The following RAB27A variants were observed in gnomAD, a reference collection of about 807,000 sequenced individuals.
RAB27A encodes ras-related protein Rab-27A.
In RAB27A, 17 loss-of-function variants were observed where a neutral mutation model predicts 20.8. The observed-to-expected ratio is 0.82, with a 90% CI of 0.56 to 1.23. The LOEUF is 1.23. RAB27A is among the 50% of genes most tolerant of loss of function. The pLI is 0.00. For missense variants in RAB27A, 277 were observed against 266.7 expected (o/e 1.04, Z -0.27); for synonymous variants, 85 against 92.8 (o/e 0.92, Z 0.48).
At chr15:55,298,280 A>G (rs990978775) in intron 2 of RAB27A, among the ~76,000 whole-genome samples, 3 of 151,768 alleles carry the variant, frequency 2.0e-5, no homozygotes, top group African/African-American at 7.3e-5. Flanking sequence ...GTTCTTTTCT[A>G]CTTTCCCTAA....
chr15:55,238,271 C>G (rs1896343446), intron 2 of RAB27A: 1 of 152,136 alleles, frequency 6.6e-6, no homozygotes, highest in African/African-American at 2.4e-5. Flanking sequence ...ATCTAGATCT[C>G]CTAGCTCCAA....
chr15:55,274,018 A>G (rs1333911937), intron 1 of RAB27A, among the ~76,000 whole-genome samples: 1 of 152,212 alleles, frequency 6.6e-6, no homozygotes, highest in Admixed American at 6.5e-5. Flanking sequence ...GTCTCAACAA[A>G]TTTAAGACGA....
intron 2 of RAB27A, among the ~76,000 whole-genome samples, chr15:55,310,994 C>T (rs1015364669): frequency 6.6e-6 from 1 of 152,138 alleles, no homozygotes; most frequent in African/African-American, 2.4e-5. Context: ...TTCTAATACG[C>T]AGGTTAGCAA....
intron 6 of RAB27A, among the ~76,000 whole-genome samples, chr15:55,215,188 CT>C (rs1895222112): frequency 6.6e-6 from 1 of 152,180 alleles, no homozygotes; most frequent in Non-Finnish European, 1.5e-5. Context: ...TTACAAATAT[CT>C]TTCCAACTCC....
chr15:55,281,892 T>C (rs1177236295), intron 1 of RAB27A, among the ~76,000 whole-genome samples: 2 of 152,198 alleles, frequency 1.3e-5, no homozygotes, highest in African/African-American at 4.8e-5. Context: ...TTGAATTCCT[T>C]TAATTTTTTA....
At chr15:55,247,937 C>CT (rs765207631) in intron 2 of RAB27A, among the ~76,000 whole-genome samples, 1,558 of 135,432 alleles carry the variant, frequency 0.012, 30 homozygotes, top group African/African-American at 0.037. Flanking sequence ...TCACTAACCA[C>CT]TTTTTTTTTT....
intron 2 of RAB27A, among the ~76,000 whole-genome samples, chr15:55,302,711 C>T (rs1390597380): frequency 5.2e-5 from 6 of 115,832 alleles, no homozygotes; most frequent in South Asian, 2.9e-4. Context: ...ATGTGGGGAG[C>T]GCCTCTGCCC....
chr15:55,247,786 C>T (rs903665584), intron 2 of RAB27A, among the ~76,000 whole-genome samples: 16 of 152,042 alleles, frequency 1.1e-4, no homozygotes, highest in African/African-American at 3.1e-4. Flanking sequence ...GGGGAAGAGA[C>T]GGGCGCATTT....
intron 3 of RAB27A, among the ~76,000 whole-genome samples, chr15:55,233,422 G>C (rs1052910177): frequency 6.6e-6 from 1 of 152,000 alleles, no homozygotes; most frequent in Admixed American, 6.6e-5. Flanking sequence ...AATAGAAAAA[G>C]AAACAACAGT....
chr15:55,223,989 A>C lies in RAB27A; in HGVS notation c.367T>G (p.Cys123Gly), dbSNP rs1220936730. ...CACAGCACTATATCTGGGTTTTCAC[A>C]ATATGCATGCATCTGTAGCTGGCCT... ...WISQLQMHAY[C>G]ENPDIVLCGN... Residue 123 changes from cysteine to glycine, a missense_variant, in exon 6 of 7, where the codon TGT (cysteine) becomes GGT (glycine). Physicochemically the swap from Cys to Gly is radical, Grantham distance 159 (BLOSUM62 -3). Coordinates refer to ENST00000336787, the MANE Select transcript of RAB27A (RefSeq NM_183235.3). 1.3e-6 allele frequency: 2 copies of C among 1,592,260 alleles called. No individual in the cohort carries two copies. The highest frequency in any genetic ancestry group is 2.2e-5 in the South Asian group (2 of 90,646).
At chr15:55,222,304 T>C (rs968907420) in intron 6 of RAB27A, among the ~76,000 whole-genome samples, 1 of 152,208 alleles carries the variant, frequency 6.6e-6, no homozygotes, top group African/African-American at 2.4e-5. Context: ...ATGGGAATCC[T>C]TCAGCTGAGC....
chr15:55,318,012 G>A (rs1045988946), intron 1 of RAB27A: 3 of 319,460 alleles, frequency 9.4e-6, no homozygotes, highest in African/African-American at 6.4e-5. Flanking sequence ...AAGGAGTACA[G>A]GAAGTGAATT....
At chr15:55,225,782 T>TA (rs1895771349) in intron 5 of RAB27A, among the ~76,000 whole-genome samples, 1 of 152,204 alleles carries the variant, frequency 6.6e-6, no homozygotes. Flanking sequence ...TCAGTTATTT[T>TA]AAAAACTTCA....
chr15:55,226,676 C>T (rs1397209207), intron 5 of RAB27A, among the ~76,000 whole-genome samples: 1 of 151,244 alleles, frequency 6.6e-6, no homozygotes, highest in Non-Finnish European at 1.5e-5. Flanking sequence ...TGGATGAAAC[C>T]CCGGGAGATG....
At chr15:55,223,645 T>C (rs1024814635) in intron 6 of RAB27A, among the ~76,000 whole-genome samples, 6 of 152,184 alleles carry the variant, frequency 3.9e-5, no homozygotes, top group African/African-American at 7.2e-5. Context: ...CAACTCAAAG[T>C]TGTCTCTCTG....
At chr15:55,288,482 C>T (rs1031276273) in intron 1 of RAB27A, among the ~76,000 whole-genome samples, 24 of 152,020 alleles carry the variant, frequency 1.6e-4, no homozygotes, top group African/African-American at 5.3e-4. Context: ...GATCATGCCA[C>T]CGCATTCCTA....
intron 2 of RAB27A, among the ~76,000 whole-genome samples, chr15:55,310,600 T>C (rs572667612): frequency 6.6e-6 from 1 of 152,284 alleles, no homozygotes; most frequent in South Asian, 2.1e-4. Context: ...TTTTCCCTTT[T>C]CCAGAGCCTC....
chr15:55,250,793 A>T (rs544462143), intron 2 of RAB27A, among the ~76,000 whole-genome samples: 5 of 152,356 alleles, frequency 3.3e-5, no homozygotes, highest in African/African-American at 1.2e-4. Context: ...GGAAACCTAC[A>T]TAATGTCATT....
intron 2 of RAB27A, chr15:55,238,439 C>T (rs1018935586): frequency 6.6e-6 from 1 of 152,136 alleles, no homozygotes; most frequent in Non-Finnish European, 1.5e-5. Flanking sequence ...CCCAAATCTC[C>T]CAGATACCAA....
Sources: allele counts gnomAD v4.1 joint callset (sites outside exome capture counted in the v4.1 genomes callset), GRCh38; gene constraint gnomAD v4.1.1; transcripts MANE v1.5; gene names NCBI Gene and HGNC (gene_info 2026-07-23, HGNC 2026-07-21).